The following RABGAP1L variants were observed in gnomAD, a reference collection of about 807,000 sequenced individuals.
The protein encoded by RABGAP1L is rab GTPase-activating protein 1-like.
In RABGAP1L, 63 loss-of-function variants were observed where a neutral mutation model predicts 137.7. That is an observed-to-expected ratio of 0.46 (90% CI 0.37 to 0.56). The LOEUF is 0.56. RABGAP1L is among the 20% of genes least tolerant of loss of function. The probability of loss-of-function intolerance (pLI) is 0.00; values close to 1 mark genes in which losing one functional copy is unlikely to be tolerated. For synonymous variants in RABGAP1L, 431 were observed against 433.7 expected (o/e 0.99, Z 0.08); for missense variants, 1,095 against 1,244.0 (o/e 0.88, Z 1.80).
In RABGAP1L at chr1:174,573,128, T is replaced by C. The variant is rs184539128; in HGVS notation, c.1711-64247T>C. 2.0e-3 allele frequency among the ~76,000 whole-genome samples: 302 copies of C among 152,232 alleles called. 1 individual carries two copies. Among genetic ancestry groups the C allele is most frequent in the African/African-American group, 6.9e-3 (285 of 41,538 alleles). On this transcript the variant is annotated intron_variant, in intron 13 of 25. Transcript: ENST00000681986. Reference sequence around the variant, plus strand: ...ATTGACTTTAGTGTGTATATATATGTATACACTATTTATGTGTGTATATTT... The same window carrying C: ...ATTGACTTTAGTGTGTATATATATGCATACACTATTTATGTGTGTATATTT...
At chr1:174,586,229 A>G (rs1163585871) in intron 13 of RABGAP1L, among the ~76,000 whole-genome samples, 2 of 152,168 alleles carry the variant, frequency 1.3e-5, no homozygotes, top group Non-Finnish European at 2.9e-5. Context: ...TTGCAGGGAC[A>G]TGGATGAAGC....
chr1:174,978,962 T>G (rs1670871669), intron 23 of RABGAP1L, 72 bp downstream of exon 23: 2 of 1,409,846 alleles, frequency 1.4e-6, no homozygotes, highest in Non-Finnish European at 1.8e-6. Flanking sequence ...TTTTTTTGCT[T>G]GAGGCCAGGA....
At chr1:174,314,230 A>G (rs994010469) in intron 11 of RABGAP1L, among the ~76,000 whole-genome samples, 1 of 152,094 alleles carries the variant, frequency 6.6e-6, no homozygotes, top group South Asian at 2.1e-4. Flanking sequence ...TTCATGGTTC[A>G]ATCTTGGTAG....
At chr1:174,189,994 A>C (rs1667092588) in intron 1 of RABGAP1L, among the ~76,000 whole-genome samples, 1 of 152,162 alleles carries the variant, frequency 6.6e-6, no homozygotes, top group East Asian at 1.9e-4. Context: ...AGTACTCTGC[A>C]GAGAGTCCCC....
intron 13 of RABGAP1L, among the ~76,000 whole-genome samples, chr1:174,632,994 C>T (rs1673561416): frequency 6.6e-6 from 1 of 152,088 alleles, no homozygotes; most frequent in South Asian, 2.1e-4. Flanking sequence ...TCCAGTTTTT[C>T]TGTTCTGTTT....
chr1:174,562,675 TA>T (rs1667302302), intron 13 of RABGAP1L, among the ~76,000 whole-genome samples: 1 of 152,190 alleles, frequency 6.6e-6, no homozygotes, highest in East Asian at 1.9e-4. Flanking sequence ...TATTTAGCCA[TA>T]AAAAAGGATG....
At chr1:174,928,604 A>G (rs1222999372) in intron 19 of RABGAP1L, among the ~76,000 whole-genome samples, 1 of 152,090 alleles carries the variant, frequency 6.6e-6, no homozygotes, top group East Asian at 1.9e-4. Flanking sequence ...GTGGAGCCTT[A>G]GGGAACTCGG....
intron 17 of RABGAP1L, among the ~76,000 whole-genome samples, chr1:174,721,955 C>T (rs919091354): frequency 2.6e-5 from 4 of 152,106 alleles, no homozygotes; most frequent in East Asian, 1.9e-4. Flanking sequence ...GTTGTTGAGA[C>T]GGAGTCTTGC....
At position 174,843,224 on chromosome 1, in the gene RABGAP1L, C is replaced by CT. The variant is rs60814405; in HGVS notation, c.2340+31282dup. Among the ~76,000 whole-genome samples the CT allele has an allele frequency of 8.1e-3, 1,068 of 131,176 alleles. 11 individuals carry two copies. The highest frequency in any genetic ancestry group is 0.017 in the East Asian group (78 of 4,624). The allele number at this position is 131,176 out of a possible 152,430, so 86.1% of individuals were successfully genotyped here. ...TTCCCTAACAAGAAAATGTCACAGT[C>CT]TTTTTTTTTTTTTTTTTTATACTTT... On this transcript the variant is annotated intron_variant, in intron 19 of 25. Coordinates refer to ENST00000681986, the MANE Select transcript of RABGAP1L (RefSeq NM_001366446.1).
At chr1:174,447,790 C>T (rs1312126806) in intron 13 of RABGAP1L, among the ~76,000 whole-genome samples, 1 of 151,946 alleles carries the variant, frequency 6.6e-6, no homozygotes, top group Non-Finnish European at 1.5e-5. Context: ...CTAGAAGTGC[C>T]TTATGTCTGC....
At chr1:174,358,353 C>T (rs1683821952) in intron 11 of RABGAP1L, among the ~76,000 whole-genome samples, 1 of 152,170 alleles carries the variant, frequency 6.6e-6, no homozygotes. Context: ...AGTTCTGAGT[C>T]GTTGCTACAA....
chr1:174,860,800 A>G (rs961333227), intron 19 of RABGAP1L, among the ~76,000 whole-genome samples: 3 of 152,242 alleles, frequency 2.0e-5, no homozygotes, highest in Non-Finnish European at 4.4e-5. Context: ...TTATTGAGAT[A>G]TAAATGACAA....
intron 19 of RABGAP1L, among the ~76,000 whole-genome samples, chr1:174,944,169 C>T (rs944443501): frequency 2.8e-4 from 42 of 147,750 alleles, no homozygotes; most frequent in African/African-American, 9.2e-4. Context: ...GCTACTTACT[C>T]GGGAGGCTGA....
At chr1:174,415,599 C>T (rs1650458914) in intron 13 of RABGAP1L, among the ~76,000 whole-genome samples, 1 of 151,996 alleles carries the variant, frequency 6.6e-6, no homozygotes, top group African/African-American at 2.4e-5. Context: ...TTGATACCTG[C>T]AAAAATGATG....
At chr1:174,395,406 G>T (rs915139749) in intron 13 of RABGAP1L, among the ~76,000 whole-genome samples, 1 of 150,644 alleles carries the variant, frequency 6.6e-6, no homozygotes, top group Non-Finnish European at 1.5e-5. Flanking sequence ...AATTTAATAT[G>T]TTCCTTCAGG....
intron 14 of RABGAP1L, among the ~76,000 whole-genome samples, chr1:174,644,481 T>G (rs918829987): frequency 6.6e-6 from 1 of 151,980 alleles, no homozygotes; most frequent in African/African-American, 2.4e-5. Context: ...GTCACTCTTT[T>G]TAAAAAACAC....
chr1:174,457,477 C>CTTTTTT (rs746968960), intron 13 of RABGAP1L, among the ~76,000 whole-genome samples: 4 of 107,496 alleles, frequency 3.7e-5, no homozygotes, highest in East Asian at 2.5e-4. Flanking sequence ...CAGGCATCAT[C>CTTTTTT]TTTTTTTTTT....
intron 14 of RABGAP1L, among the ~76,000 whole-genome samples, chr1:174,665,989 T>G (rs2148433905): frequency 6.6e-6 from 1 of 152,344 alleles, no homozygotes; most frequent in Admixed American, 6.5e-5. Flanking sequence ...CTTTAAATGT[T>G]TCTGTAATTT....
intron 21 of RABGAP1L, 193 bp from the exon 22 acceptor site, chr1:174,975,885 G>T: frequency 1.8e-6 from 1 of 542,566 alleles, no homozygotes; most frequent in Non-Finnish European, 3.4e-6. Context: ...TAGAAATAAT[G>T]TGTGCCAACT....
Sources: gnomAD v4.1 joint callset for allele counts (sites outside exome capture counted in the v4.1 genomes callset) on GRCh38, gnomAD v4.1.1 for gene constraint, MANE v1.5 for transcripts, NCBI Gene and HGNC (gene_info 2026-07-23, HGNC 2026-07-21) for gene names.